The following LHPP variants were observed in gnomAD, a reference collection of about 807,000 sequenced individuals.
LHPP encodes hLHPP.
A neutral mutation model predicts 30.3 loss-of-function variants in LHPP; 24 were observed. The observed-to-expected ratio is 0.79, with a 90% confidence interval of 0.57 to 1.11. LHPP has a LOEUF of 1.11. LHPP is among the 50% of genes most tolerant of loss of function. The pLI, the probability that LHPP is intolerant of heterozygous loss-of-function variation, is 0.00. For missense variants in LHPP, 356 were observed against 367.2 expected (o/e 0.97, Z 0.25); for synonymous variants, 150 against 157.1 (o/e 0.95, Z 0.34).
intron 6 of LHPP, among the ~76,000 whole-genome samples, chr10:124,554,599 T>C (rs143439899): frequency 1.4e-3 from 206 of 152,328 alleles, no homozygotes; most frequent in African/African-American, 4.8e-3. Context: ...CTGCTGCTGC[T>C]GTCCTTGTCA....
intron 6 of LHPP, among the ~76,000 whole-genome samples, chr10:124,551,126 C>G (rs1321015290): frequency 1.3e-5 from 2 of 152,164 alleles, no homozygotes; most frequent in African/African-American, 4.8e-5. Flanking sequence ...GCATTAGCAC[C>G]AGTGTCTCCA....
intron 6 of LHPP, among the ~76,000 whole-genome samples, chr10:124,581,302 G>T (rs910667043): frequency 1.3e-5 from 2 of 152,182 alleles, no homozygotes; most frequent in Admixed American, 1.3e-4. Flanking sequence ...TCATTCCTGT[G>T]TTAGTGTATA....
At chr10:124,612,015 G>T (rs1297662096) in intron 6 of LHPP, among the ~76,000 whole-genome samples, 4 of 152,216 alleles carry the variant, frequency 2.6e-5, no homozygotes, top group African/African-American at 9.7e-5. Context: ...CACCTCTGTG[G>T]GTGCAAGGCT....
At chr10:124,575,243 T>C (rs1287411773) in intron 6 of LHPP, among the ~76,000 whole-genome samples, 1 of 152,062 alleles carries the variant, frequency 6.6e-6, no homozygotes, top group African/African-American at 2.4e-5. Context: ...CGTGCACCCC[T>C]GGTGTGCTGA....
rs1022944518 is a variant in LHPP, at chr10:124,496,879, C to G, written c.468-82C>G. 5.4e-6 allele frequency: 7 copies of G among 1,291,838 alleles called. No homozygotes were observed. Among genetic ancestry groups the G allele is most frequent in the South Asian group, 5.2e-5 (4 of 77,400 alleles). The allele number at this position is 1,291,838 out of a possible 1,614,324, so 80.0% of individuals were successfully genotyped here. On this transcript the variant is annotated intron_variant, in intron 3 of 6. Coordinates refer to ENST00000368842, the MANE Select transcript of LHPP (RefSeq NM_022126.4). The surrounding 1 kb of genome is among the most constrained non-coding windows in gnomAD (Gnocchi z 4.3). ...GGCTCTGCAGCCAGCGGGACAGGCCCGGTGCTCAGCTCCCGATACTTAGCA... is the reference window on the plus strand; with the variant it reads ...GGCTCTGCAGCCAGCGGGACAGGCCGGGTGCTCAGCTCCCGATACTTAGCA...
At chr10:124,518,902 A>T (rs1209877474) in intron 6 of LHPP, among the ~76,000 whole-genome samples, 3 of 152,150 alleles carry the variant, frequency 2.0e-5, no homozygotes, top group Non-Finnish European at 4.4e-5. Context: ...GGCATCCCCC[A>T]TGACACTGTC....
chr10:124,492,916 C>T (rs1403887105), intron 3 of LHPP, among the ~76,000 whole-genome samples: 1 of 152,062 alleles, frequency 6.6e-6, no homozygotes, highest in Non-Finnish European at 1.5e-5. Context: ...TGCTGAGCTT[C>T]GTGGCACACG....
At chr10:124,570,169 G>A (rs11245295) in intron 6 of LHPP, among the ~76,000 whole-genome samples, 37,566 of 152,196 alleles carry the variant, frequency 0.25, 5,171 homozygotes, top group East Asian at 0.31. Flanking sequence ...TTACTCTTAG[G>A]AGGGACTGGA....
At chr10:124,534,412 G>T (rs12414076) in intron 6 of LHPP, among the ~76,000 whole-genome samples, 1 of 152,244 alleles carries the variant, frequency 6.6e-6, no homozygotes, top group African/African-American at 2.4e-5. Context: ...GCACCGGCAC[G>T]TCGGAGGCCG....
chr10:124,498,755 GACCTCCCAGGCTC>G, intron 5 of LHPP: 1 of 461,214 alleles, frequency 2.2e-6, no homozygotes, highest in Non-Finnish European at 4.3e-6. Flanking sequence ...CTGCAGCCTG[GACCTCCCAGGCTC>G]AAGCGATCCT....
intron 6 of LHPP, among the ~76,000 whole-genome samples, chr10:124,522,076 G>A (rs1195921024): frequency 2.0e-5 from 3 of 152,198 alleles, no homozygotes; most frequent in Admixed American, 6.5e-5. Flanking sequence ...GCTTAGCTCT[G>A]GAGGGAAAGT....
chr10:124,555,657 G>A (rs969447875), intron 6 of LHPP, among the ~76,000 whole-genome samples: 14 of 152,306 alleles, frequency 9.2e-5, no homozygotes, highest in South Asian at 2.1e-4. Context: ...CCTGGTGTGC[G>A]GGGCCTGAAT....
rs1320266480 is a variant in LHPP at position 124,517,315 on chromosome 10, A to T, written c.716+44A>T. 1.0e-5 allele frequency: 13 copies of T among 1,245,708 alleles called. No individual in the cohort carries two copies. Among genetic ancestry groups the T allele is most frequent in the Non-Finnish European group, 1.1e-5 (10 of 889,878 alleles). The allele number at this position is 1,245,708 out of a possible 1,614,324, so 77.2% of individuals were successfully genotyped here. On this transcript the variant is annotated intron_variant, in intron 6 of 6. Coordinates refer to ENST00000368842, the MANE Select transcript of LHPP (RefSeq NM_022126.4). The surrounding 1 kb of genome is among the most constrained non-coding windows in gnomAD (Gnocchi z 4.1). ...CATTTATTCACCTTCCTTCCAGGGG[A>T]TGACCACATTCTCATTCTGTTTTGT...
intron 3 of LHPP, among the ~76,000 whole-genome samples, chr10:124,493,036 G>GA (rs1187646306): frequency 2.7e-5 from 4 of 148,840 alleles, no homozygotes; most frequent in African/African-American, 9.9e-5. Context: ...AAAAAGAAAA[G>GA]AAAAAAAGTT....
chr10:124,564,826 T>C (rs560500270), intron 6 of LHPP, among the ~76,000 whole-genome samples: 2 of 152,370 alleles, frequency 1.3e-5, no homozygotes, highest in East Asian at 3.9e-4. Context: ...GGAAAAGTTA[T>C]ACCATATATT....
chr10:124,499,342 A>G (rs959451555), intron 5 of LHPP, among the ~76,000 whole-genome samples: 1 of 151,614 alleles, frequency 6.6e-6, no homozygotes, highest in Non-Finnish European at 1.5e-5. Flanking sequence ...GTTTTCTGAA[A>G]GATTGTAAGG....
At chr10:124,518,246 T>C (rs953261651) in intron 6 of LHPP, among the ~76,000 whole-genome samples, 2 of 152,202 alleles carry the variant, frequency 1.3e-5, no homozygotes, top group Non-Finnish European at 2.9e-5. Flanking sequence ...GTGTATGACA[T>C]ATGGGCCTTC....
chr10:124,557,702 C>G (rs1356884572), intron 6 of LHPP, among the ~76,000 whole-genome samples: 1 of 152,084 alleles, frequency 6.6e-6, no homozygotes, highest in African/African-American at 2.4e-5. Context: ...CTGGTGGGCT[C>G]ACTCCCTGCA....
Position 124,498,025 on chromosome 10 carries a change from T to C in LHPP, c.532-11T>C. The C allele has an allele frequency of 6.2e-7, 1 of 1,610,962 alleles. No homozygotes were observed. The highest frequency in any genetic ancestry group is 8.5e-7 in the Non-Finnish European group (1 of 1,177,070). ...CCCAAACTTATGCCATGTCCCTCTC[T>C]CTTTTCCCAGTATGCCTGTGGCATC... On this transcript the variant is annotated splice_polypyrimidine_tract_variant and intron_variant, in intron 4 of 6. Transcript: ENST00000368842.
Sources: gnomAD v4.1 joint callset for allele counts (sites outside exome capture counted in the v4.1 genomes callset) on GRCh38, gnomAD v4.1.1 for gene constraint, Gnocchi (gnomAD v3.1) non-coding constraint, MANE v1.5 for transcripts, NCBI Gene and HGNC (gene_info 2026-07-23, HGNC 2026-07-21) for gene names.